The following SOHLH2 variants were observed in gnomAD, a reference collection of about 807,000 sequenced individuals.
The protein encoded by SOHLH2 is spermatogenesis and oogenesis specific basic helix-loop-helix 2.
A neutral mutation model predicts 50.4 loss-of-function variants in SOHLH2; 22 were observed. The observed-to-expected ratio is 0.44, with a 90% CI of 0.31 to 0.62. SOHLH2 has a LOEUF of 0.62. Among genes scored for constraint, SOHLH2 ranks in the 20% least tolerant of loss-of-function variants. SOHLH2 has a pLI of 0.08. For missense variants in SOHLH2, 412 were observed against 504.4 expected (o/e 0.82, Z 1.76); for synonymous variants, 185 against 187.3 (o/e 0.99, Z 0.10).
At chr13:36,207,685 A>G (rs879933246) in intron 1 of SOHLH2, among the ~76,000 whole-genome samples, 7 of 152,166 alleles carry the variant, frequency 4.6e-5, no homozygotes, top group Non-Finnish European at 8.8e-5. Flanking sequence ...CCATCTGGAT[A>G]ATAGGTTGCA....
chr13:36,207,900 A>G (rs973612662), intron 1 of SOHLH2, among the ~76,000 whole-genome samples: 2 of 152,176 alleles, frequency 1.3e-5, no homozygotes, highest in Non-Finnish European at 2.9e-5. Context: ...TCATATATCA[A>G]TGAGAGATTT....
At chr13:36,212,682 T>G (rs974785993) in intron 1 of SOHLH2, among the ~76,000 whole-genome samples, 2 of 152,202 alleles carry the variant, frequency 1.3e-5, no homozygotes, top group East Asian at 1.9e-4. Flanking sequence ...GAAAGTAACA[T>G]GTATTCACTG....
rs943711717 is a variant in SOHLH2, at chr13:36,196,431, T to C, written c.264-2564A>G. ...AAGAGCCACTATGCCTAGCCTCGTATACATATTTTTAGGTGATGAGAAAGT... is the reference window on the plus strand; with the variant it reads ...AAGAGCCACTATGCCTAGCCTCGTACACATATTTTTAGGTGATGAGAAAGT... On this transcript the variant is annotated intron_variant, in intron 2 of 10. Transcript: ENST00000379881. Among the ~76,000 whole-genome samples, 5 of 152,238 alleles carry C rather than the reference T, an allele frequency of 3.3e-5. No homozygotes were observed. In the South Asian group the frequency reaches 8.3e-4, roughly 25 times the overall value.
At chr13:36,188,139 G>A (rs1887474696) in intron 6 of SOHLH2, among the ~76,000 whole-genome samples, 1 of 152,190 alleles carries the variant, frequency 6.6e-6, no homozygotes, top group Admixed American at 6.5e-5. Flanking sequence ...GATACGCAAT[G>A]TCTTGGACCC....
Position 36,192,369 on chromosome 13 carries a change from C to T in SOHLH2, c.431-475G>A, listed in dbSNP as rs1172037828. ...GTCATGACCAACAGAGGGGCATGGG[C>T]AGGTGACGAGCAGCTGCTCTATTTC... On this transcript the variant is annotated intron_variant, in intron 4 of 10. Coordinates refer to ENST00000379881, the MANE Select transcript of SOHLH2 (RefSeq NM_017826.3). 3.3e-5 allele frequency among the ~76,000 whole-genome samples: 5 copies of T among 152,250 alleles called. No individual in the cohort carries two copies. The South Asian group carries it at 1.0e-3, about 32-fold the overall frequency.
At chr13:36,211,556 G>C (rs922284708) in intron 1 of SOHLH2, among the ~76,000 whole-genome samples, 1 of 152,218 alleles carries the variant, frequency 6.6e-6, no homozygotes, top group African/African-American at 2.4e-5. Context: ...AGTATGACCA[G>C]TTCTACTAAG....
intron 6 of SOHLH2, 87 bp downstream of exon 6, chr13:36,189,859 T>G (rs1887524188): frequency 7.6e-7 from 1 of 1,309,152 alleles, no homozygotes; most frequent in African/African-American, 1.5e-5. Context: ...TCACTTATAC[T>G]TTTAATAATA....
chr13:36,203,949 T>G (rs978669632), intron 1 of SOHLH2, among the ~76,000 whole-genome samples: 1 of 123,442 alleles, frequency 8.1e-6, no homozygotes. Context: ...TAATTCTTTT[T>G]TTTTGTTTTT....
At chr13:36,169,968 G>A (rs762619938) in intron 10 of SOHLH2, among the ~76,000 whole-genome samples, 6 of 152,192 alleles carry the variant, frequency 3.9e-5, no homozygotes, top group Admixed American at 2.0e-4. Flanking sequence ...AAATCTGCAT[G>A]AGGGCAGGGA....
At chr13:36,180,192 T>C (rs544170689) in intron 6 of SOHLH2, among the ~76,000 whole-genome samples, 6 of 152,354 alleles carry the variant, frequency 3.9e-5, no homozygotes, top group South Asian at 2.1e-4. Flanking sequence ...GTTCAAAGTA[T>C]ACTCTTTTGT....
chr13:36,201,873 G>T lies in SOHLH2; in HGVS notation c.263+6C>A. On this transcript the variant is annotated splice_donor_region_variant and intron_variant, in intron 2 of 10. Transcript: ENST00000379881. ...AAGATACAGCATCAAGGCTTTTGAA[G>T]TTTACCTAATTAACTTGATGGCTTC... The T allele has an allele frequency of 6.2e-7, 1 of 1,614,166 alleles. No individual in the cohort carries two copies. Among genetic ancestry groups the T allele is most frequent in the Non-Finnish European group, 8.5e-7 (1 of 1,180,022 alleles).
chr13:36,175,812 C>T (rs1027330346), intron 6 of SOHLH2, among the ~76,000 whole-genome samples: 2 of 151,982 alleles, frequency 1.3e-5, no homozygotes, highest in South Asian at 2.1e-4. Flanking sequence ...GGGGGCTCTG[C>T]GGGGGTGTCT....
chr13:36,197,970 G>T (rs544780358), intron 2 of SOHLH2, among the ~76,000 whole-genome samples: 2 of 152,148 alleles, frequency 1.3e-5, no homozygotes, highest in South Asian at 4.1e-4. Context: ...AGAGGAGTAG[G>T]TCATGTAAAC....
intron 6 of SOHLH2, among the ~76,000 whole-genome samples, chr13:36,186,329 T>C (rs1887417699): frequency 1.3e-5 from 2 of 152,192 alleles, no homozygotes; most frequent in African/African-American, 4.8e-5. Flanking sequence ...GCTTACATCA[T>C]ATGTGATGGT....
At chr13:36,173,937 T>C (rs1257088129) in intron 8 of SOHLH2, 127 bp from the exon 9 acceptor site, 8 of 1,080,458 alleles carry the variant, frequency 7.4e-6, no homozygotes, top group Admixed American at 2.1e-5. Context: ...ATGGATTATT[T>C]ACATATGAGC....
chr13:36,192,377 G>C (rs573785794), intron 4 of SOHLH2, among the ~76,000 whole-genome samples: 1 of 152,144 alleles, frequency 6.6e-6, no homozygotes, highest in Non-Finnish European at 1.5e-5. Flanking sequence ...GGCAGGTGAC[G>C]AGCAGCTGCT....
chr13:36,171,461 T>C (rs1260741795), intron 9 of SOHLH2, among the ~76,000 whole-genome samples: 1 of 152,216 alleles, frequency 6.6e-6, no homozygotes, highest in Non-Finnish European at 1.5e-5. Context: ...TTAACTTCTC[T>C]AGCCTTCAAC....
chr13:36,168,903 C>G lies in SOHLH2; in HGVS notation c.*131G>C. On this transcript the variant is annotated 3_prime_UTR_variant, in exon 11 of 11. Transcript: ENST00000379881. ...AGCTTTGAGTGCATTTATCAGAAGCCAAACCATGCCAACTCTTTTGATATT... is the reference window on the plus strand; with the variant it reads ...AGCTTTGAGTGCATTTATCAGAAGCGAAACCATGCCAACTCTTTTGATATT... The G allele has an allele frequency of 7.0e-7, 1 of 1,434,266 alleles. No homozygotes were observed. Among genetic ancestry groups the G allele is most frequent in the East Asian group, 2.6e-5 (1 of 39,144 alleles). 88.8% of individuals were successfully genotyped at this position (1,434,266 alleles called of 1,614,324 possible).
Position 36,168,790 on chromosome 13 carries a change from C to CCTTA in SOHLH2, c.*243_*244insTAAG. 4.1e-6 allele frequency: 2 copies of CCTTA among 483,622 alleles called. No homozygotes were observed. The highest frequency in any genetic ancestry group is 6.9e-6 in the Non-Finnish European group (2 of 288,228). The allele number at this position is 483,622 out of a possible 1,614,324, so 30.0% of individuals were successfully genotyped here. The stretch of plus-strand genomic sequence containing the variant: ...TCACTGAGGCCATTTGTTCTTGTAG[C>CCTTA]TCTCTGGCTGGCGGGGATCCAAGTG... On this transcript the variant is annotated 3_prime_UTR_variant, in exon 11 of 11. Coordinates refer to ENST00000379881, the MANE Select transcript of SOHLH2 (RefSeq NM_017826.3).
Sources: gnomAD v4.1 joint callset for allele counts (sites outside exome capture counted in the v4.1 genomes callset) on GRCh38, gnomAD v4.1.1 for gene constraint, MANE v1.5 for transcripts, NCBI Gene and HGNC (gene_info 2026-07-23, HGNC 2026-07-21) for gene names.